The following SLCO4C1 variants were observed in gnomAD, a reference collection of about 807,000 sequenced individuals.
SLCO4C1 encodes the protein organic anion transporter M1.
A neutral mutation model predicts 72.1 loss-of-function variants in SLCO4C1; 58 were observed. The observed-to-expected ratio is 0.80, with a 90% CI of 0.65 to 1.00. The LOEUF is 1.00. Among genes scored for constraint, SLCO4C1 ranks in the 50% least tolerant of loss-of-function variants. The pLI is 0.00. For synonymous variants in SLCO4C1, 297 were observed against 312.5 expected (o/e 0.95, Z 0.52); for missense variants, 898 against 857.9 (o/e 1.05, Z -0.58).
At position 102,236,962 on chromosome 5, in the gene SLCO4C1, T is replaced by C. The variant is rs1748447949; in HGVS notation, c.2071A>G (p.Lys691Glu). 3 of 1,612,330 alleles carry C rather than the reference T, an allele frequency of 1.9e-6. No homozygotes were observed. The highest frequency in any genetic ancestry group is 2.5e-6 in the Non-Finnish European group (3 of 1,179,624). The stretch of plus-strand genomic sequence containing the variant: ...ACATCTGTGGCTGATGGAGGTGGTT[T>C]ATACAAAAAGATTGCAAATCCATTG... ...FFNGFAIFLYKPPPSATDVSF... is the reference protein window; with the variant it reads ...FFNGFAIFLYEPPPSATDVSF... The change falls in exon 13 of 13, where the codon AAA (lysine) becomes GAA (glutamate). Residue 691 changes from lysine to glutamate, a missense_variant. Physicochemically the swap from Lys to Glu is moderately conservative, Grantham distance 56 (BLOSUM62 1). Coordinates refer to ENST00000310954, the MANE Select transcript of SLCO4C1 (RefSeq NM_180991.5).
chr5:102,268,220 A>G (rs745584572), intron 3 of SLCO4C1, among the ~76,000 whole-genome samples: 2 of 152,034 alleles, frequency 1.3e-5, no homozygotes, highest in Non-Finnish European at 2.9e-5. Context: ...GTTGGGGTCC[A>G]TTTCTTTAAC....
At chr5:102,257,002 G>T in intron 8 of SLCO4C1, 113 bp downstream of exon 8, 2 of 751,620 alleles carry the variant, frequency 2.7e-6, no homozygotes, top group Non-Finnish European at 3.9e-6. Context: ...TAGGAAAAAA[G>T]GTCTTCCAAA....
chr5:102,293,786 G>A (rs1749598247), intron 1 of SLCO4C1, among the ~76,000 whole-genome samples: 1 of 152,104 alleles, frequency 6.6e-6, no homozygotes, highest in Non-Finnish European at 1.5e-5. Context: ...CCAGGCTGGA[G>A]TGCAGTGGCG....
chr5:102,279,228 T>G (rs1186747067), intron 2 of SLCO4C1, among the ~76,000 whole-genome samples: 1 of 151,880 alleles, frequency 6.6e-6, no homozygotes, highest in Non-Finnish European at 1.5e-5. Context: ...ATACATAAAT[T>G]TGACAACTTA....
At position 102,247,393 on chromosome 5, in the gene SLCO4C1, G is replaced by T. The variant is rs1404559111; in HGVS notation, c.1670C>A (p.Thr557Asn). 2.5e-6 allele frequency: 4 copies of T among 1,592,830 alleles called. No individual in the cohort carries two copies. The East Asian group carries it at 6.8e-5, about 27-fold the overall frequency. The part of the protein sequence containing the change: ...CIERKTEITS[T>N]AETFGFEAKA... ...AGCTTCAAAACCAAAAGTTTCTGCA[G>T]TGGATGTTATTTCTGTTTTCCTTTC... is the stretch of plus-strand genomic sequence containing the variant. Residue 557 changes from threonine (T) to asparagine (N), a missense_variant, in exon 10 of 13, where the codon ACT becomes AAT. Coordinates refer to ENST00000310954, the MANE Select transcript of SLCO4C1 (RefSeq NM_180991.5).
intron 11 of SLCO4C1, 100 bp from the exon 12 acceptor site, chr5:102,239,488 A>T (rs1748500022): frequency 1.2e-6 from 1 of 832,634 alleles, no homozygotes; most frequent in African/African-American, 1.8e-5. Context: ...AGAAATAAAA[A>T]TAAGTATTCA....
intron 2 of SLCO4C1, 107 bp from the exon 3 acceptor site, chr5:102,270,913 C>T: frequency 4.5e-6 from 4 of 879,616 alleles, no homozygotes. Flanking sequence ...TTTATTTCTT[C>T]CAATCATTTT....
At chr5:102,244,897 A>C (rs192205423) in intron 10 of SLCO4C1, among the ~76,000 whole-genome samples, 57 of 152,308 alleles carry the variant, frequency 3.7e-4, no homozygotes, top group Non-Finnish European at 7.8e-4. Flanking sequence ...TAAAGGGTGT[A>C]CTTCAATCAG....
At chr5:102,285,348 G>A (rs533198867) in intron 2 of SLCO4C1, among the ~76,000 whole-genome samples, 2 of 152,136 alleles carry the variant, frequency 1.3e-5, no homozygotes, top group South Asian at 2.1e-4. Context: ...GCAGTGTCCC[G>A]ATCTCAGCTC....
intron 10 of SLCO4C1, among the ~76,000 whole-genome samples, chr5:102,243,697 A>G (rs1246654961): frequency 4.6e-5 from 7 of 152,208 alleles, no homozygotes; most frequent in Admixed American, 3.3e-4. Context: ...AAGAACATCT[A>G]CTAGTATCAA....
intron 10 of SLCO4C1, among the ~76,000 whole-genome samples, chr5:102,245,345 T>G (rs1748617257): frequency 6.6e-6 from 1 of 151,280 alleles, no homozygotes; most frequent in Non-Finnish European, 1.5e-5. Flanking sequence ...AATAAAGAAA[T>G]GGAAAAACAC....
chr5:102,239,887 C>T (rs937235361), intron 11 of SLCO4C1, among the ~76,000 whole-genome samples: 23 of 151,888 alleles, frequency 1.5e-4, no homozygotes, highest in Non-Finnish European at 3.1e-4. Flanking sequence ...CTAGGAATAT[C>T]ACTATCTTAT....
intron 2 of SLCO4C1, among the ~76,000 whole-genome samples, chr5:102,287,587 C>G (rs1749478612): frequency 1.5e-5 from 2 of 131,718 alleles, no homozygotes; most frequent in Non-Finnish European, 3.1e-5. Context: ...GTCACCCAGG[C>G]TGGATGGAGT....
In SLCO4C1 at chr5:102,291,519, G is replaced by A; in HGVS notation, c.443C>T (p.Ser148Leu). Residue 148 changes from serine (S) to leucine (L), a missense_variant, in exon 2 of 13, where the codon TCA (serine) becomes TTA (leucine). Transcript: ENST00000310954. ...ACAGAATGAAATATCGTAGCTTGAT[G>A]AAATCAGGCCAGTCAGGGAACTCTT... ...EMKSSLTGLI[S>L]SSYDISFCLL... 1.2e-6 allele frequency: 2 copies of A among 1,614,046 alleles called. No individual in the cohort carries two copies. Among genetic ancestry groups the A allele is most frequent in the Non-Finnish European group, 1.7e-6 (2 of 1,179,968 alleles).
chr5:102,254,898 G>A (rs142301182), intron 8 of SLCO4C1, among the ~76,000 whole-genome samples: 7 of 152,126 alleles, frequency 4.6e-5, no homozygotes, highest in African/African-American at 1.7e-4. Flanking sequence ...CTCAACATAT[G>A]CCTGTACCTT....
intron 7 of SLCO4C1, 63 bp downstream of exon 7, chr5:102,257,880 T>C: frequency 7.0e-7 from 1 of 1,433,758 alleles, no homozygotes; most frequent in Non-Finnish European, 9.5e-7. Context: ...TTATACACTA[T>C]CCTCATAAAA....
rs1470526360 is a variant in SLCO4C1, at chr5:102,237,125, A to G, written c.2015-107T>C. The stretch of plus-strand genomic sequence containing the variant: ...GAACATTTTTAAAGAGAATAATTAC[A>G]TAACCATTATAGTTCTATGTTTAAA... On this transcript the variant is annotated intron_variant, in intron 12 of 12. Coordinates refer to ENST00000310954, the MANE Select transcript of SLCO4C1 (RefSeq NM_180991.5). 7.1e-6 allele frequency: 8 copies of G among 1,123,092 alleles called. No individual in the cohort carries two copies. The African/African-American group carries it at 9.5e-5, about 13-fold the overall frequency. The allele number at this position is 1,123,092 out of a possible 1,614,324, so 69.6% of individuals were successfully genotyped here. A position where few individuals can be genotyped will look rare whatever the true frequency, so the allele number is the denominator to read the frequency against.
intron 3 of SLCO4C1, among the ~76,000 whole-genome samples, chr5:102,268,907 G>T (rs1749096536): frequency 6.6e-6 from 1 of 152,128 alleles, no homozygotes; most frequent in Admixed American, 6.6e-5. Context: ...TATTTCTGAA[G>T]AATAGCTTTG....
chr5:102,276,352 C>T (rs1014251885), intron 2 of SLCO4C1, among the ~76,000 whole-genome samples: 2 of 152,186 alleles, frequency 1.3e-5, no homozygotes, highest in Non-Finnish European at 2.9e-5. Context: ...CAGTTATTCT[C>T]CCACCTGAAA....
Sources: gnomAD v4.1 joint callset for allele counts (sites outside exome capture counted in the v4.1 genomes callset) on GRCh38, gnomAD v4.1.1 for gene constraint, MANE v1.5 for transcripts, NCBI Gene and HGNC (gene_info 2026-07-23, HGNC 2026-07-21) for gene names.